PXDNL: variants seen among roughly 807,000 people sequenced by gnomAD.
PXDNL encodes probable oxidoreductase PXDNL.
Under a neutral mutation model 150.8 loss-of-function variants are expected in PXDNL, and 145 were observed. The observed-to-expected ratio is 0.96, with a 90% confidence interval of 0.84 to 1.10. The LOEUF (loss-of-function observed/expected upper bound fraction) is 1.10. Ranked by LOEUF, PXDNL falls within the 50% of genes least tolerant of loss-of-function variation. The pLI is 0.00. For synonymous variants in PXDNL, 757 were observed against 725.7 expected (o/e 1.04, Z -0.69); for missense variants, 2,087 against 1,873.9 (o/e 1.11, Z -2.10).
chr8:51,436,329 C>T (rs1175502965), intron 12 of PXDNL: 3 of 458,938 alleles, frequency 6.5e-6, no homozygotes, highest in African/African-American at 6.1e-5. Flanking sequence ...ATCTCATAAA[C>T]ATTATTCAGG....
intron 17 of PXDNL, among the ~76,000 whole-genome samples, chr8:51,382,020 C>T (rs1287220675): frequency 6.6e-6 from 1 of 151,990 alleles, no homozygotes; most frequent in Non-Finnish European, 1.5e-5. Flanking sequence ...TATACATGTG[C>T]AGAGACGGGG....
Position 51,409,526 on chromosome 8 carries a change from G to C in PXDNL, c.2098C>G (p.Leu700Val). 6.2e-7 allele frequency: 1 copy of C among 1,603,032 alleles called. No individual in the cohort carries two copies. Among genetic ancestry groups the C allele is most frequent in the Non-Finnish European group, 8.5e-7 (1 of 1,174,670 alleles). The change falls in exon 17 of 23, where the codon CTC (leucine) becomes GTC (valine). Residue 700 changes from leucine (L) to valine (V), a missense_variant. Coordinates refer to ENST00000356297, the MANE Select transcript of PXDNL (RefSeq NM_144651.5). ...RYNDLVSPRSLSLIANLSGCT... is the reference protein window; with the variant it reads ...RYNDLVSPRSVSLIANLSGCT... ...CCAGATAAATTGGCGATGAGGCTGA[G>C]GGAGCGCGGGGACACCAAGTCATTG...
intron 15 of PXDNL, among the ~76,000 whole-genome samples, chr8:51,412,843 G>T (rs1808689622): frequency 6.6e-6 from 1 of 152,198 alleles, no homozygotes; most frequent in South Asian, 2.1e-4. Flanking sequence ...ACACATTGCA[G>T]GAGCACTGCA....
chr8:51,392,606 C>T lies in PXDNL; in HGVS notation c.3557+15461G>A, dbSNP rs535639627. Among the ~76,000 whole-genome samples the T allele has an allele frequency of 5.0e-4, 76 of 152,304 alleles. No homozygotes were observed. In the South Asian group the frequency reaches 0.014, roughly 28 times the overall value. ...ATTGATTTTGTATCCTGAGACTTCACTGAAGTTGCTTATCAGCTTAAGGAT... is the reference window on the plus strand; with the variant it reads ...ATTGATTTTGTATCCTGAGACTTCATTGAAGTTGCTTATCAGCTTAAGGAT... On this transcript the variant is annotated intron_variant, in intron 17 of 22. Coordinates refer to ENST00000356297, the MANE Select transcript of PXDNL (RefSeq NM_144651.5).
At chr8:51,786,359 C>T (rs2037460796) in intron 1 of PXDNL, among the ~76,000 whole-genome samples, 1 of 152,106 alleles carries the variant, frequency 6.6e-6, no homozygotes. Flanking sequence ...CAGGCGCCCG[C>T]CACCACCCCC....
At chr8:51,525,421 T>C (rs527982014) in intron 4 of PXDNL, among the ~76,000 whole-genome samples, 1 of 152,314 alleles carries the variant, frequency 6.6e-6, no homozygotes, top group Admixed American at 6.5e-5. Context: ...CGTGTAACAT[T>C]TGTCACTGCC....
chr8:51,688,340 A>G (rs1003641635), intron 1 of PXDNL, among the ~76,000 whole-genome samples: 2 of 152,184 alleles, frequency 1.3e-5, no homozygotes, highest in Non-Finnish European at 2.9e-5. Context: ...TTTTAAAAAA[A>G]GAATAAAATA....
At chr8:51,641,057 T>A (rs931493003) in intron 2 of PXDNL, among the ~76,000 whole-genome samples, 10 of 152,054 alleles carry the variant, frequency 6.6e-5, no homozygotes, top group Non-Finnish European at 1.2e-4. Context: ...GCCACATATC[T>A]ACAACCATCT....
At chr8:51,386,416 A>G (rs1309171526) in intron 17 of PXDNL, among the ~76,000 whole-genome samples, 5 of 152,152 alleles carry the variant, frequency 3.3e-5, no homozygotes, top group Non-Finnish European at 7.4e-5. Flanking sequence ...AGCTTCAGAA[A>G]TCACACCCCT....
intron 19 of PXDNL, among the ~76,000 whole-genome samples, chr8:51,356,291 C>T (rs1274071663): frequency 1.3e-5 from 2 of 152,122 alleles, no homozygotes; most frequent in African/African-American, 4.8e-5. Context: ...GAGTTTGAGA[C>T]CAGCCTGGCC....
chr8:51,326,429 C>A (rs1463845677), intron 21 of PXDNL, among the ~76,000 whole-genome samples: 1 of 152,150 alleles, frequency 6.6e-6, no homozygotes, highest in Non-Finnish European at 1.5e-5. Flanking sequence ...ACCTGCAAAG[C>A]AGAGGTTGCA....
At position 51,422,315 on chromosome 8, in the gene PXDNL, A is replaced by AC. The variant is rs1052529954; in HGVS notation, c.1795+1259dup. 2.5e-4 allele frequency among the ~76,000 whole-genome samples: 38 copies of AC among 152,204 alleles called. 1 individual carries two copies. Among genetic ancestry groups the AC allele is most frequent in the Admixed American group, 1.5e-3 (23 of 15,278 alleles). Reference sequence around the variant, plus strand: ...TGAATCATCCCAAAGCCATCTCCCCACCCCGGTCAGTGGAAAAATTGTCTT... The same window carrying AC: ...TGAATCATCCCAAAGCCATCTCCCCACCCCCGGTCAGTGGAAAAATTGTCTT... On this transcript the variant is annotated intron_variant, in intron 14 of 22. Transcript: ENST00000356297.
chr8:51,674,374 T>C (rs1332226943), intron 1 of PXDNL, among the ~76,000 whole-genome samples: 1 of 152,202 alleles, frequency 6.6e-6, no homozygotes, highest in African/African-American at 2.4e-5. Context: ...AAGGAAATAA[T>C]GGCAAATTGA....
intron 4 of PXDNL, among the ~76,000 whole-genome samples, chr8:51,501,041 G>C (rs901549876): frequency 2.0e-5 from 3 of 152,148 alleles, no homozygotes; most frequent in Non-Finnish European, 4.4e-5. Context: ...CCATGTCACT[G>C]GAAAGGTATG....
intron 2 of PXDNL, among the ~76,000 whole-genome samples, chr8:51,607,194 A>G (rs886935081): frequency 3.3e-5 from 5 of 152,196 alleles, no homozygotes; most frequent in Non-Finnish European, 5.9e-5. Context: ...AGCAGTGGAC[A>G]TAGGAAATGG....
chr8:51,799,162 T>G (rs1322082992), intron 1 of PXDNL, among the ~76,000 whole-genome samples: 2 of 152,146 alleles, frequency 1.3e-5, no homozygotes, highest in African/African-American at 4.8e-5. Context: ...CCACTTTTTC[T>G]CACTTATAAG....
In PXDNL at chr8:51,493,032, C is replaced by T. The variant is rs186242873; in HGVS notation, c.452+6667G>A. Among the ~76,000 whole-genome samples, 1,164 of 152,328 alleles carry T rather than the reference C, an allele frequency of 7.6e-3. 11 individuals carry two copies. The highest frequency in any genetic ancestry group is 0.011 in the Non-Finnish European group (726 of 68,034). Reference sequence around the variant, plus strand: ...AGTAGCCTAACTGGGAGGCACCCCCCAGTAGGGGCAGACTGACAACTCACA... The same window carrying T: ...AGTAGCCTAACTGGGAGGCACCCCCTAGTAGGGGCAGACTGACAACTCACA... On this transcript the variant is annotated intron_variant, in intron 5 of 22. Coordinates refer to ENST00000356297, the MANE Select transcript of PXDNL (RefSeq NM_144651.5).
At chr8:51,733,812 A>AATATATATATAT (rs9298461) in intron 1 of PXDNL, among the ~76,000 whole-genome samples, 8 of 138,398 alleles carry the variant, frequency 5.8e-5, no homozygotes, top group African/African-American at 2.2e-4. Context: ...TGTCTCAAAT[A>AATATATATATAT]ATATATATAT....
At chr8:51,787,249 G>T (rs2037468813) in intron 1 of PXDNL, among the ~76,000 whole-genome samples, 1 of 152,156 alleles carries the variant, frequency 6.6e-6, no homozygotes, top group Non-Finnish European at 1.5e-5. Context: ...CCTGGATCAA[G>T]AAGTAATTTT....
Sources: allele counts gnomAD v4.1 joint callset (sites outside exome capture counted in the v4.1 genomes callset), GRCh38; gene constraint gnomAD v4.1.1; transcripts MANE v1.5; gene names NCBI Gene and HGNC (gene_info 2026-07-23, HGNC 2026-07-21).